PDE3B: variants seen among roughly 807,000 people sequenced by gnomAD.
The protein encoded by PDE3B is cGMP-inhibited 3',5'-cyclic phosphodiesterase 3B.
Under a neutral mutation model 116.8 loss-of-function variants are expected in PDE3B, and 66 were observed. That is an observed-to-expected ratio of 0.56 (90% CI 0.46 to 0.69). The LOEUF is 0.69. Among genes scored for constraint, PDE3B ranks in the 30% least tolerant of loss-of-function variants. PDE3B has a pLI of 0.00. For synonymous variants in PDE3B, 595 were observed against 533.6 expected, an observed-to-expected ratio of 1.12 and a Z score of -1.59; for missense variants, 1,384 against 1,368.1, an observed-to-expected ratio of 1.01 and a Z score of -0.18.
intron 1 of PDE3B, chr11:14,700,950 G>C (rs1855342403): frequency 6.6e-6 from 1 of 151,612 alleles, no homozygotes; most frequent in African/African-American, 2.4e-5. Context: ...CTTTTTTGTT[G>C]TTCTTTAGGT....
chr11:14,837,521 C>T (rs181926138), intron 11 of PDE3B, among the ~76,000 whole-genome samples: 11 of 152,326 alleles, frequency 7.2e-5, no homozygotes, highest in South Asian at 4.1e-4. Context: ...CTGTGTAACA[C>T]GGATTCCCTT....
intron 1 of PDE3B, among the ~76,000 whole-genome samples, chr11:14,664,411 A>G (rs1051802015): frequency 8.5e-5 from 13 of 152,206 alleles, no homozygotes; most frequent in Non-Finnish European, 1.6e-4. Context: ...AGAAATAACT[A>G]AAATCAGAGC....
chr11:14,692,742 T>A (rs542737612), intron 1 of PDE3B, among the ~76,000 whole-genome samples: 1 of 152,218 alleles, frequency 6.6e-6, no homozygotes, highest in South Asian at 2.1e-4. Context: ...TTCTCCCCTG[T>A]CCTTGGACCT....
intron 1 of PDE3B, among the ~76,000 whole-genome samples, chr11:14,736,971 C>G (rs1024779071): frequency 2.0e-5 from 3 of 152,138 alleles, no homozygotes; most frequent in Admixed American, 2.0e-4. Context: ...ATTGACTTTT[C>G]AAGTCCACCA....
At chr11:14,717,328 C>A (rs1855934366) in intron 1 of PDE3B, among the ~76,000 whole-genome samples, 2 of 122,704 alleles carry the variant, frequency 1.6e-5, no homozygotes, top group Non-Finnish European at 1.7e-5. Context: ...AGAATGGAAC[C>A]AAGTTGGAAA....
chr11:14,879,230 TA>T, the PDE3B span: 1 of 1,613,194 alleles, frequency 6.2e-7, no homozygotes, highest in African/African-American at 1.3e-5. Context: ...GTGTACAGAA[TA>T]AAGATTTGTA....
chr11:14,773,846 T>A (rs1857710123), intron 2 of PDE3B: 1 of 152,196 alleles, frequency 6.6e-6, no homozygotes, highest in Non-Finnish European at 1.5e-5. Flanking sequence ...CCACTGTTTA[T>A]AAATTGGCAA....
intron 5 of PDE3B, among the ~76,000 whole-genome samples, chr11:14,806,426 TGACAGAGCAA>T (rs1336676495): frequency 7.1e-6 from 1 of 141,450 alleles, no homozygotes; most frequent in African/African-American, 2.6e-5. Context: ...CCAGCCTGGG[TGACAGAGCAA>T]GACTCTGTCT....
chr11:14,769,559 T>C (rs1046402744), intron 1 of PDE3B, among the ~76,000 whole-genome samples: 2 of 149,104 alleles, frequency 1.3e-5, no homozygotes, highest in African/African-American at 2.4e-5. Flanking sequence ...TTATCAGTGT[T>C]TCTCCACCGT....
chr11:14,760,594 T>C (rs969446475), intron 1 of PDE3B, among the ~76,000 whole-genome samples: 2 of 152,196 alleles, frequency 1.3e-5, no homozygotes, highest in Non-Finnish European at 2.9e-5. Context: ...AAATTGTTTT[T>C]CTTCAAAATC....
chr11:14,708,667 T>C (rs1326357404), intron 1 of PDE3B, among the ~76,000 whole-genome samples: 1 of 152,050 alleles, frequency 6.6e-6, no homozygotes, highest in Non-Finnish European at 1.5e-5. Flanking sequence ...AACTATAGTG[T>C]GGTTATGTAA....
At chr11:14,829,316 GA>G (rs1206164417) in intron 7 of PDE3B, among the ~76,000 whole-genome samples, 3 of 151,538 alleles carry the variant, frequency 2.0e-5, no homozygotes, top group African/African-American at 7.3e-5. Flanking sequence ...ATAAATAAAT[GA>G]AAAAAAATCA....
At chr11:14,781,919 T>C (rs1349278771) in intron 2 of PDE3B, among the ~76,000 whole-genome samples, 2 of 152,198 alleles carry the variant, frequency 1.3e-5, no homozygotes, top group African/African-American at 2.4e-5. Context: ...AACCCCATCA[T>C]GTCAGCCCCA....
In PDE3B at chr11:14,788,961, CAG is replaced by C. The variant is rs2133918710; in HGVS notation, c.1279-143_1279-142del. The C allele has an allele frequency of 5.9e-6, 3 of 506,910 alleles. No individual in the cohort carries two copies. The South Asian group carries it at 1.3e-4, about 22-fold the overall frequency. 31.4% of individuals were successfully genotyped at this position (506,910 alleles called of 1,614,324 possible). ...GAGTGTGAAATTTGGAGTAAATTGA[CAG>C]ATTTTCAGAATAAAATGTTTCTTTT... is the stretch of plus-strand genomic sequence containing the variant. On this transcript the variant is annotated intron_variant, in intron 3 of 15. Transcript: ENST00000282096.
At chr11:14,766,854 A>G (rs1393205351) in intron 1 of PDE3B, among the ~76,000 whole-genome samples, 1 of 151,728 alleles carries the variant, frequency 6.6e-6, no homozygotes, top group Non-Finnish European at 1.5e-5. Context: ...CATGTTTTGT[A>G]GTATGAATTT....
the PDE3B span, among the ~76,000 whole-genome samples, chr11:14,884,317 G>A: frequency 6.6e-5 from 10 of 152,010 alleles, no homozygotes; most frequent in Non-Finnish European, 4.4e-5. Context: ...TGAAGAAAAT[G>A]TGGCACATAT....
chr11:14,781,581 G>A (rs1858003499), intron 2 of PDE3B, among the ~76,000 whole-genome samples: 1 of 152,136 alleles, frequency 6.6e-6, no homozygotes, highest in South Asian at 2.1e-4. Context: ...CTCAATAGAT[G>A]CAGAAAAGGC....
intron 7 of PDE3B, among the ~76,000 whole-genome samples, chr11:14,826,067 A>G (rs1859677293): frequency 6.6e-6 from 1 of 152,214 alleles, no homozygotes; most frequent in Non-Finnish European, 1.5e-5. Flanking sequence ...GTTTTTTAAT[A>G]CGAATGAGAA....
chr11:14,899,091 T>C, the PDE3B span, among the ~76,000 whole-genome samples: 1 of 152,222 alleles, frequency 6.6e-6, no homozygotes, highest in Non-Finnish European at 1.5e-5. Context: ...GCTGCCATTT[T>C]CTGAACATGT....
Sources: allele counts gnomAD v4.1 joint callset (sites outside exome capture counted in the v4.1 genomes callset), GRCh38; gene constraint gnomAD v4.1.1; transcripts MANE v1.5; gene names NCBI Gene and HGNC (gene_info 2026-07-23, HGNC 2026-07-21).